Variants in TMCC1 observed in about 807,000 individuals in gnomAD.
TMCC1 encodes transmembrane and coiled-coil domain family 1.
Under a neutral mutation model 52.4 loss-of-function variants are expected in TMCC1, and 15 were observed. That is an observed-to-expected ratio of 0.29 (90% confidence interval 0.19 to 0.44). The LOEUF is 0.44. Ranked by LOEUF, TMCC1 falls within the 20% of genes least tolerant of loss-of-function variation. TMCC1 has a pLI of 1.00. For missense variants in TMCC1, 503 were observed against 806.0 expected, an observed-to-expected ratio of 0.62 and a Z score of 4.55; for synonymous variants, 279 against 301.9, an observed-to-expected ratio of 0.92 and a Z score of 0.79.
chr3:129,782,064 A>C (rs1326259232), intron 4 of TMCC1, among the ~76,000 whole-genome samples: 1 of 152,164 alleles, frequency 6.6e-6, no homozygotes. Context: ...AATGATACCA[A>C]AAGCTTAGTT....
intron 4 of TMCC1, among the ~76,000 whole-genome samples, chr3:129,820,458 T>C (rs1305801667): frequency 6.6e-6 from 1 of 152,052 alleles, no homozygotes; most frequent in Non-Finnish European, 1.5e-5. Context: ...AGGCAATTCA[T>C]GCCTGCAGAG....
chr3:129,667,380 A>G (rs919580320), intron 5 of TMCC1, among the ~76,000 whole-genome samples: 1 of 152,142 alleles, frequency 6.6e-6, no homozygotes, highest in African/African-American at 2.4e-5. Flanking sequence ...AATTATTGGA[A>G]CAACAAAAAT....
intron 2 of TMCC1, among the ~76,000 whole-genome samples, chr3:129,878,133 C>CT (rs1002017525): frequency 3.9e-4 from 57 of 144,938 alleles, no homozygotes; most frequent in South Asian, 1.5e-3. Context: ...TAATTTTTTA[C>CT]TTTTTTTTTT....
chr3:129,653,063 C>T (rs537128777), intron 6 of TMCC1, among the ~76,000 whole-genome samples: 5 of 152,236 alleles, frequency 3.3e-5, no homozygotes, highest in Admixed American at 6.5e-5. Flanking sequence ...GGAATCGATT[C>T]ACAACTTGCT....
intron 4 of TMCC1, among the ~76,000 whole-genome samples, chr3:129,798,984 T>A (rs1352452011): frequency 6.6e-6 from 1 of 152,092 alleles, no homozygotes; most frequent in East Asian, 1.9e-4. Context: ...TAAGAACAGA[T>A]TAAGTAATTT....
intron 4 of TMCC1, among the ~76,000 whole-genome samples, chr3:129,816,640 C>A (rs369191228): frequency 6.6e-6 from 1 of 151,820 alleles, no homozygotes; most frequent in Non-Finnish European, 1.5e-5. Context: ...TAAACGGGGT[C>A]TGATAGAAGA....
At chr3:129,691,990 C>T (rs1468183584) in intron 4 of TMCC1, among the ~76,000 whole-genome samples, 1 of 151,968 alleles carries the variant, frequency 6.6e-6, no homozygotes, top group East Asian at 1.9e-4. Flanking sequence ...ATATGCTAGA[C>T]AAAGAACAAA....
At chr3:129,705,282 T>G (rs142188210) in intron 4 of TMCC1, among the ~76,000 whole-genome samples, 1 of 152,284 alleles carries the variant, frequency 6.6e-6, no homozygotes, top group East Asian at 1.9e-4. Flanking sequence ...CAGTTACTCT[T>G]GACATTTTGG....
At chr3:129,764,775 ATATATATATATATATTTTTTTTTT>A (rs2053956223) in intron 4 of TMCC1, among the ~76,000 whole-genome samples, 1 of 68,172 alleles carries the variant, frequency 1.5e-5, no homozygotes, top group African/African-American at 6.8e-5. Context: ...ATATATATAT[ATATATATATATATATTTTTTTTTT>A]TTTTTTTTTT....
chr3:129,654,924 A>G, intron 6 of TMCC1, 44 bp downstream of exon 6: 1 of 1,589,012 alleles, frequency 6.3e-7, no homozygotes, highest in Non-Finnish European at 8.6e-7. Flanking sequence ...TTTTCTTTCT[A>G]ACCCTACTGT....
chr3:129,802,936 T>C lies in TMCC1; in HGVS notation c.576+24867A>G, dbSNP rs2057276776. ...TTAAAAAGAAATTTATTTACAGTTCTGGAGGTTGGGAAATCCAAGGTTGAT... is the reference window on the plus strand; with the variant it reads ...TTAAAAAGAAATTTATTTACAGTTCCGGAGGTTGGGAAATCCAAGGTTGAT... On this transcript the variant is annotated intron_variant, in intron 4 of 6. Coordinates refer to ENST00000393238, the MANE Select transcript of TMCC1 (RefSeq NM_001017395.5). Among the ~76,000 whole-genome samples, 5 of 152,376 alleles carry C rather than the reference T, an allele frequency of 3.3e-5. 1 individual carries two copies. The South Asian group carries it at 1.0e-3, about 32-fold the overall frequency.
At chr3:129,806,830 T>C (rs889869615) in intron 4 of TMCC1, among the ~76,000 whole-genome samples, 5 of 151,490 alleles carry the variant, frequency 3.3e-5, no homozygotes, top group Non-Finnish European at 1.5e-5. Context: ...AAATAAAATA[T>C]TTAGTGAAAG....
intron 4 of TMCC1, among the ~76,000 whole-genome samples, chr3:129,781,051 T>C (rs976086734): frequency 1.2e-4 from 19 of 152,172 alleles, no homozygotes; most frequent in African/African-American, 4.6e-4. Flanking sequence ...CAGAAAGTTC[T>C]ATTGGATGGC....
At chr3:129,682,738 T>C (rs910692692) in intron 4 of TMCC1, among the ~76,000 whole-genome samples, 1 of 152,238 alleles carries the variant, frequency 6.6e-6, no homozygotes, top group African/African-American at 2.4e-5. Flanking sequence ...CGCCTCTCTT[T>C]CAAAAATACC....
chr3:129,686,353 C>T (rs918418218), intron 4 of TMCC1, among the ~76,000 whole-genome samples: 9 of 152,098 alleles, frequency 5.9e-5, no homozygotes, highest in African/African-American at 1.9e-4. Context: ...TCGCCCGCCT[C>T]GGCCTCCCAA....
rs1343495091 is a variant in TMCC1 at position 129,647,975 on chromosome 3, G to T, written c.*3506C>A. On this transcript the variant is annotated 3_prime_UTR_variant, in exon 7 of 7. Coordinates refer to ENST00000393238, the MANE Select transcript of TMCC1 (RefSeq NM_001017395.5). ...TTTCTTTACGTTTCAATTCGTGCAA[G>T]TGAGTTTTTATTCTTACACACTTTG... 6.6e-6 allele frequency: 1 copy of T among 152,612 alleles called. No individual in the cohort carries two copies. The highest frequency in any genetic ancestry group is 1.5e-5 in the Non-Finnish European group (1 of 68,036). The allele number at this position is 152,612 out of a possible 1,614,324, so 9.5% of individuals were successfully genotyped here. A position where few individuals can be genotyped will look rare whatever the true frequency, so the allele number is the denominator to read the frequency against.
intron 4 of TMCC1, among the ~76,000 whole-genome samples, chr3:129,789,990 C>A (rs2056341321): frequency 6.6e-6 from 1 of 152,074 alleles, no homozygotes; most frequent in African/African-American, 2.4e-5. Context: ...ACAGGCCAAC[C>A]CAAGACATAT....
chr3:129,829,088 AG>A (rs2058787324), intron 3 of TMCC1, among the ~76,000 whole-genome samples: 1 of 152,234 alleles, frequency 6.6e-6, no homozygotes, highest in South Asian at 2.1e-4. Flanking sequence ...TGCTCTTTTG[AG>A]AAGAGAATGG....
intron 2 of TMCC1, among the ~76,000 whole-genome samples, chr3:129,834,699 A>T (rs184540409): frequency 9.9e-4 from 151 of 152,314 alleles, no homozygotes; most frequent in African/African-American, 3.4e-3. Context: ...GCCCATTAGT[A>T]TGGCTGGGAA....
Sources: allele counts gnomAD v4.1 joint callset (sites outside exome capture counted in the v4.1 genomes callset), GRCh38; gene constraint gnomAD v4.1.1; transcripts MANE v1.5; gene names NCBI Gene and HGNC (gene_info 2026-07-23, HGNC 2026-07-21).